The following IQSEC1 variants were observed in gnomAD, a reference collection of about 807,000 sequenced individuals.
The protein encoded by IQSEC1 is IQ motif and SEC7 domain-containing protein 1.
In IQSEC1, 31 loss-of-function variants were observed where a neutral mutation model predicts 91.0. The observed-to-expected ratio is 0.34, with a 90% confidence interval of 0.26 to 0.46. IQSEC1 has a LOEUF of 0.46. IQSEC1 is among the 20% of genes least tolerant of loss of function. The pLI is 1.00. For missense variants in IQSEC1, 1,388 were observed against 1,575.6 expected, an observed-to-expected ratio of 0.88 and a Z score of 2.02; for synonymous variants, 699 against 662.6, an observed-to-expected ratio of 1.05 and a Z score of -0.84.
intron 1 of IQSEC1, among the ~76,000 whole-genome samples, chr3:13,048,248 CTT>C (rs1467032280): frequency 1.3e-5 from 2 of 152,242 alleles, no homozygotes; most frequent in African/African-American, 2.4e-5. Flanking sequence ...AGGACTGTCT[CTT>C]GTCTGCTCTG....
At chr3:13,044,493 G>A (rs1171098605) in intron 1 of IQSEC1, among the ~76,000 whole-genome samples, 3 of 152,198 alleles carry the variant, frequency 2.0e-5, no homozygotes, top group Non-Finnish European at 2.9e-5. Context: ...TAATACAGTC[G>A]GGGAGTGCGA....
intron 1 of IQSEC1, among the ~76,000 whole-genome samples, chr3:13,210,933 G>T (rs570843601): frequency 1.3e-5 from 2 of 152,338 alleles, no homozygotes; most frequent in East Asian, 3.9e-4. Context: ...GGGAGGCGAG[G>T]AGGCTGTGAC....
At chr3:13,197,504 G>T (rs900337654) in intron 1 of IQSEC1, among the ~76,000 whole-genome samples, 15 of 152,164 alleles carry the variant, frequency 9.9e-5, no homozygotes, top group Non-Finnish European at 5.9e-5. Context: ...TCTCCACAAG[G>T]CTACAGGGAC....
intron 2 of IQSEC1, among the ~76,000 whole-genome samples, chr3:13,142,633 C>T (rs1706820141): frequency 1.3e-5 from 2 of 152,212 alleles, no homozygotes; most frequent in Admixed American, 1.3e-4. Flanking sequence ...TTTTGCAGGG[C>T]CCTTGAGCTA....
At chr3:13,095,775 G>A (rs956503235) in intron 2 of IQSEC1, among the ~76,000 whole-genome samples, 1 of 152,188 alleles carries the variant, frequency 6.6e-6, no homozygotes, top group Admixed American at 6.5e-5. Context: ...AATGGAGGCT[G>A]ATTGGCAGGG....
At position 13,022,361 on chromosome 3, in the gene IQSEC1, A is replaced by C. The variant is rs545892023; in HGVS notation, c.23+50631T>G. The C allele has an allele frequency of 6.0e-6, 7 of 1,169,348 alleles. No homozygotes were observed. In the African/African-American group the frequency reaches 9.5e-5, roughly 16 times the overall value. The allele number at this position is 1,169,348 out of a possible 1,614,324, so 72.4% of individuals were successfully genotyped here. On this transcript the variant is annotated intron_variant, in intron 1 of 13. Transcript: ENST00000613206. ...CCCTGGTCCTGTCTAGCTGCTCCAG[A>C]CCCTCCTGGCCAAGCGGCCCTCACA...
chr3:12,980,270 C>A (rs185661545), intron 1 of IQSEC1, among the ~76,000 whole-genome samples: 312 of 152,344 alleles, frequency 2.0e-3, no homozygotes, highest in African/African-American at 6.8e-3. Context: ...GGAATCCAAC[C>A]TGTTTGCCCA....
intron 2 of IQSEC1, among the ~76,000 whole-genome samples, chr3:13,143,052 C>T (rs866621440): frequency 1.3e-5 from 2 of 152,216 alleles, no homozygotes; most frequent in African/African-American, 4.8e-5. Context: ...TGCCCTCCAC[C>T]CCATCCCGTC....
intron 1 of IQSEC1, among the ~76,000 whole-genome samples, chr3:13,190,079 C>T (rs1693996338): frequency 6.6e-6 from 1 of 152,210 alleles, no homozygotes; most frequent in South Asian, 2.1e-4. Flanking sequence ...CCAGCAGTTT[C>T]CCAGACTCTC....
At chr3:13,209,980 G>T (rs574967319) in intron 1 of IQSEC1, among the ~76,000 whole-genome samples, 1 of 152,144 alleles carries the variant, frequency 6.6e-6, no homozygotes, top group South Asian at 2.1e-4. Context: ...CCTGCAGTGG[G>T]AGGCTCAGGA....
At position 13,073,175 on chromosome 3, in the gene IQSEC1, C is replaced by T. The variant is rs1705493351; in HGVS notation, c.-161G>A. 1.2e-5 allele frequency: 6 copies of T among 504,108 alleles called. No individual in the cohort carries two copies. Among genetic ancestry groups the T allele is most frequent in the Admixed American group, 2.8e-5 (1 of 35,678 alleles). The allele number at this position is 504,108 out of a possible 1,614,324, so 31.2% of individuals were successfully genotyped here. ...GGGGTGGCGGGCTCCTCCAGGGAGGCTGGGGCGGGAGCGGGGGGCGGCGCC... is the reference window on the plus strand; with the variant it reads ...GGGGTGGCGGGCTCCTCCAGGGAGGTTGGGGCGGGAGCGGGGGGCGGCGCC... On this transcript the variant is annotated 5_prime_UTR_variant, in exon 1 of 14. Coordinates refer to ENST00000613206, the MANE Select transcript of IQSEC1 (RefSeq NM_001134382.3).
chr3:13,170,058 C>T (rs1030107681), intron 1 of IQSEC1, among the ~76,000 whole-genome samples: 1 of 152,254 alleles, frequency 6.6e-6, no homozygotes, highest in African/African-American at 2.4e-5. Context: ...CCTCCCATCA[C>T]AAGCCCAGAG....
rs1255849003 is a variant in IQSEC1, at chr3:12,994,980, G to A, written c.24-53115C>T. 6.6e-6 allele frequency: 1 copy of A among 152,328 alleles called. No individual in the cohort carries two copies. The highest frequency in any genetic ancestry group is 1.5e-5 in the Non-Finnish European group (1 of 68,094). The allele number at this position is 152,328 out of a possible 1,614,324, so 9.4% of individuals were successfully genotyped here. A position where few individuals can be genotyped will look rare whatever the true frequency, so the allele number is the denominator to read the frequency against. On this transcript the variant is annotated intron_variant, in intron 1 of 13. Coordinates refer to ENST00000613206, the MANE Select transcript of IQSEC1 (RefSeq NM_001134382.3). The surrounding 1 kb of genome is among the most constrained non-coding windows in gnomAD (Gnocchi z 4.5). ...CCGCGGGGGTGCACCTAAGGAGAAA[G>A]CGAGGACGCGCGAGTGCCCTCCCTG...
At chr3:13,224,412 T>C (rs956940511) in intron 1 of IQSEC1, among the ~76,000 whole-genome samples, 3 of 152,030 alleles carry the variant, frequency 2.0e-5, no homozygotes, top group African/African-American at 4.8e-5. Flanking sequence ...TTCTGGGCCC[T>C]GGGCCCAGCC....
At chr3:13,107,323 C>G (rs1199934626) in intron 2 of IQSEC1, among the ~76,000 whole-genome samples, 1 of 152,226 alleles carries the variant, frequency 6.6e-6, no homozygotes, top group Non-Finnish European at 1.5e-5. Flanking sequence ...ATAAATTATT[C>G]AGGCAAGTTA....
chr3:13,153,818 T>A (rs967086536), intron 2 of IQSEC1, among the ~76,000 whole-genome samples: 2 of 152,192 alleles, frequency 1.3e-5, no homozygotes, highest in African/African-American at 4.8e-5. Flanking sequence ...GATCTGTGTC[T>A]GAGCCATCTC....
At chr3:12,965,328 G>A (rs1296388695) in intron 1 of IQSEC1, among the ~76,000 whole-genome samples, 2 of 152,226 alleles carry the variant, frequency 1.3e-5, no homozygotes, top group African/African-American at 2.4e-5. Context: ...TTTCTGGACC[G>A]TGCTGCATCC....
Position 12,901,218 on chromosome 3 carries a change from G to T in IQSEC1, c.3110C>A (p.Pro1037His). 6.5e-7 allele frequency: 1 copy of T among 1,548,000 alleles called. No homozygotes were observed. ...HHTQYCHMQN[P>H]PPYHHHHHHH... The stretch of plus-strand genomic sequence containing the variant: ...GTGGTGGTGATGGTGGTACGGGGGA[G>T]GGTTCTGCATGTGGCAGTACTGGGT... Residue 1037 changes from proline (P) to histidine (H), a missense_variant, in exon 14 of 14, where the codon CCT (proline) becomes CAT (histidine). Pro to His is a moderately conservative substitution (Grantham distance 77). This residue lies in a region of IQSEC1 where 329 missense variants were observed against 257.8 expected (regional missense o/e 1.28). Transcript: ENST00000613206.
intron 1 of IQSEC1, among the ~76,000 whole-genome samples, chr3:13,224,700 G>A (rs1294871465): frequency 1.3e-5 from 2 of 151,726 alleles, no homozygotes; most frequent in East Asian, 1.9e-4. Context: ...GGGTAGCTTC[G>A]ACTGTTCCTC....
Sources: gnomAD v4.1 joint callset for allele counts (sites outside exome capture counted in the v4.1 genomes callset) on GRCh38, gnomAD v4.1.1 for gene constraint, gnomAD v4.1.1 regional missense constraint, Gnocchi (gnomAD v3.1) non-coding constraint, MANE v1.5 for transcripts, NCBI Gene and HGNC (gene_info 2026-07-23, HGNC 2026-07-21) for gene names.